Variants in ODAD2 observed in about 807,000 individuals in gnomAD.
ODAD2 encodes outer dynein arm docking complex subunit 2.
ODAD2 carries 89 observed loss-of-function variants against 106.8 expected under a neutral mutation model. That is an observed-to-expected ratio of 0.83 (90% confidence interval 0.70 to 0.99). The LOEUF is 0.99. ODAD2 is among the 50% of genes least tolerant of loss of function. The probability of loss-of-function intolerance (pLI) is 0.00; values close to 1 mark genes in which losing one functional copy is unlikely to be tolerated. For synonymous variants in ODAD2, 404 were observed against 436.2 expected, an observed-to-expected ratio of 0.93 and a Z score of 0.92; for missense variants, 1,168 against 1,238.5, an observed-to-expected ratio of 0.94 and a Z score of 0.85.
At chr10:27,901,453 A>G (rs1843193566) in intron 17 of ODAD2, among the ~76,000 whole-genome samples, 1 of 152,192 alleles carries the variant, frequency 6.6e-6, no homozygotes, top group Non-Finnish European at 1.5e-5. Flanking sequence ...GATCAAATTC[A>G]CACATAATAA....
intron 10 of ODAD2, among the ~76,000 whole-genome samples, chr10:27,958,419 C>T (rs1175560102): frequency 6.6e-6 from 1 of 152,166 alleles, no homozygotes; most frequent in Non-Finnish European, 1.5e-5. Flanking sequence ...GCTGTTCACT[C>T]TCTCACTCCG....
In ODAD2 at chr10:27,987,507, A is replaced by G; in HGVS notation, c.261T>C (p.Asn87=). 6.2e-7 allele frequency: 1 copy of G among 1,612,058 alleles called. No individual in the cohort carries two copies. The highest frequency in any genetic ancestry group is 8.5e-7 in the Non-Finnish European group (1 of 1,179,366). Residue 87 remains asparagine, a synonymous_variant, in exon 3 of 20, where the codon AAT becomes AAC. Transcript: ENST00000305242. ...TTVKSEEVDK[N]GQPLLFLSVP... ...CAGAGAGAAATAGCAAAGGCTGTCCATTTTTATCAACTTCTTCTGATTTGA... is the reference window on the plus strand; with the variant it reads ...CAGAGAGAAATAGCAAAGGCTGTCCGTTTTTATCAACTTCTTCTGATTTGA...
chr10:27,959,585 A>G (rs1029468000), intron 10 of ODAD2, among the ~76,000 whole-genome samples: 1 of 152,162 alleles, frequency 6.6e-6, no homozygotes, highest in African/African-American at 2.4e-5. Context: ...AGGGAAGTGC[A>G]GGAGCATGTG....
chr10:27,997,917 GAA>G (rs1260437564), intron 1 of ODAD2, among the ~76,000 whole-genome samples: 1 of 152,054 alleles, frequency 6.6e-6, no homozygotes, highest in East Asian at 1.9e-4. Context: ...AGATTAAAAG[GAA>G]AAAAGTTTTG....
At chr10:27,853,817 T>C (rs1839463117) in intron 19 of ODAD2, among the ~76,000 whole-genome samples, 2 of 152,104 alleles carry the variant, frequency 1.3e-5, no homozygotes, top group Non-Finnish European at 1.5e-5. Flanking sequence ...GAAGAAAGCA[T>C]GAAATCCTTG....
chr10:27,900,089 C>A (rs1037621395), intron 17 of ODAD2, among the ~76,000 whole-genome samples: 1 of 152,094 alleles, frequency 6.6e-6, no homozygotes, highest in Non-Finnish European at 1.5e-5. Context: ...TGGCAGGTGC[C>A]CCTCTAGGAC....
chr10:27,992,560 T>C (rs953624555), intron 2 of ODAD2, among the ~76,000 whole-genome samples: 3 of 152,190 alleles, frequency 2.0e-5, no homozygotes, highest in African/African-American at 7.2e-5. Flanking sequence ...CATAGTAGTA[T>C]GTGCCTATAG....
intron 19 of ODAD2, among the ~76,000 whole-genome samples, chr10:27,836,357 G>A (rs1178680295): frequency 3.3e-5 from 5 of 152,030 alleles, no homozygotes; most frequent in African/African-American, 1.2e-4. Flanking sequence ...ACCCAGATCT[G>A]CTAACACCAA....
intron 2 of ODAD2, among the ~76,000 whole-genome samples, chr10:27,989,554 C>T (rs1478450820): frequency 6.6e-6 from 1 of 152,190 alleles, no homozygotes; most frequent in Non-Finnish European, 1.5e-5. Flanking sequence ...AACAGGCTGA[C>T]CAAATACCAA....
chr10:27,827,715 C>T (rs762685579), intron 19 of ODAD2, among the ~76,000 whole-genome samples: 4 of 152,058 alleles, frequency 2.6e-5, no homozygotes, highest in Non-Finnish European at 5.9e-5. Context: ...CATCTTCCAG[C>T]CCCGTTCCCA....
intron 17 of ODAD2, among the ~76,000 whole-genome samples, chr10:27,885,023 C>T (rs79146969): frequency 5.9e-5 from 9 of 151,574 alleles, no homozygotes; most frequent in Admixed American, 2.6e-4. Context: ...TGAAGACATA[C>T]GAAGAAACAG....
At chr10:27,888,824 T>C (rs890686594) in intron 17 of ODAD2, among the ~76,000 whole-genome samples, 2 of 152,204 alleles carry the variant, frequency 1.3e-5, no homozygotes. Context: ...TTTTCAAAAA[T>C]GTTGTTGGGA....
At chr10:27,913,848 G>T (rs1270383856) in intron 16 of ODAD2, among the ~76,000 whole-genome samples, 1 of 152,160 alleles carries the variant, frequency 6.6e-6, no homozygotes, top group African/African-American at 2.4e-5. Flanking sequence ...TGCTGGCAAG[G>T]TTGTGGAGAA....
chr10:27,956,867 C>A (rs1847772614), intron 10 of ODAD2, among the ~76,000 whole-genome samples: 1 of 152,110 alleles, frequency 6.6e-6, no homozygotes, highest in Non-Finnish European at 1.5e-5. Context: ...TGAAGAATAC[C>A]CATTTGCATG....
chr10:27,944,962 C>G lies in ODAD2; in HGVS notation c.1387G>C (p.Gly463Arg). 2 of 1,613,922 alleles carry G rather than the reference C, an allele frequency of 1.2e-6. No individual in the cohort carries two copies. The highest frequency in any genetic ancestry group is 2.2e-5 in the South Asian group (2 of 91,026). Reference protein sequence around the residue: ...QIQKLVKYLKGGNQTATVIAL... With the variant: ...QIQKLVKYLKRGNQTATVIAL... Reference sequence around the variant, plus strand: ...ATCACTGTAGCTGTTTGATTTCCTCCCTACAAAGATGCAATGCCAGAGAAA... The same window carrying G: ...ATCACTGTAGCTGTTTGATTTCCTCGCTACAAAGATGCAATGCCAGAGAAA... Residue 463 changes from glycine (G) to arginine (R), a missense_variant and splice_region_variant, in exon 11 of 20, where the codon GGA becomes CGA. Physicochemically the swap from Gly to Arg is moderately radical, Grantham distance 125. Transcript: ENST00000305242.
intron 19 of ODAD2, among the ~76,000 whole-genome samples, chr10:27,847,466 C>T (rs1363751730): frequency 6.6e-6 from 1 of 152,194 alleles, no homozygotes; most frequent in Non-Finnish European, 1.5e-5. Flanking sequence ...CAGCCAATAT[C>T]ATCCTGAATG....
At chr10:27,876,233 G>A (rs974875074) in intron 17 of ODAD2, among the ~76,000 whole-genome samples, 1 of 152,120 alleles carries the variant, frequency 6.6e-6, no homozygotes, top group Admixed American at 6.5e-5. Context: ...ATCTGAGAAC[G>A]GACAGACTGC....
chr10:27,847,806 G>A (rs982609423), intron 19 of ODAD2, among the ~76,000 whole-genome samples: 9 of 152,074 alleles, frequency 5.9e-5, no homozygotes, highest in Non-Finnish European at 1.2e-4. Context: ...AATCATGAGT[G>A]AACTCCCATT....
At chr10:27,939,744 A>T (rs1280754310) in intron 14 of ODAD2, among the ~76,000 whole-genome samples, 153 bp downstream of exon 14, 1 of 152,172 alleles carries the variant, frequency 6.6e-6, no homozygotes, top group African/African-American at 2.4e-5. Flanking sequence ...TCTCTAAAAA[A>T]ATAAAAATAA....
Sources: gnomAD v4.1 joint callset for allele counts (sites outside exome capture counted in the v4.1 genomes callset) on GRCh38, gnomAD v4.1.1 for gene constraint, MANE v1.5 for transcripts, NCBI Gene and HGNC (gene_info 2026-07-23, HGNC 2026-07-21) for gene names.